CALCOCO1: variants seen among roughly 807,000 people sequenced by gnomAD.
CALCOCO1 encodes the protein calcium binding and coiled-coil domain 1, also known as calcium-binding and coiled-coil domain-containing protein 1.
Under a neutral mutation model 86.3 loss-of-function variants are expected in CALCOCO1, and 44 were observed. That is an observed-to-expected ratio of 0.51 (90% CI 0.40 to 0.66). The LOEUF (loss-of-function observed/expected upper bound fraction) is 0.66. CALCOCO1 is among the 30% of genes least tolerant of loss of function. CALCOCO1 has a pLI of 0.00. For synonymous variants in CALCOCO1, 297 were observed against 327.6 expected (o/e 0.91, Z 1.01); for missense variants, 708 against 851.1 (o/e 0.83, Z 2.09).
At chr12:53,723,461 G>A in intron 4 of CALCOCO1, 132 bp downstream of exon 4, 1 of 889,000 alleles carries the variant, frequency 1.1e-6, no homozygotes, top group Non-Finnish European at 1.8e-6. Context: ...CCTGGAGGCA[G>A]GACTTTGTCT....
Position 53,715,819 on chromosome 12 carries a change from G to A in CALCOCO1, c.1234C>T (p.Arg412Trp), listed in dbSNP as rs1945709912. The change falls in exon 9 of 15, where the codon CGG (arginine) becomes TGG (tryptophan). Residue 412 changes from arginine to tryptophan, a missense_variant. Arg to Trp is a moderately radical substitution (Grantham distance 101, BLOSUM62 -3). Transcript: ENST00000550804. ...KEEKCQWSKE[R>W]AGLLQSVEAE... ...TCCACACTCTGCAGCAGCCCTGCCCGCTCCTTGCTCCATTGGCATTTTTCT... is the reference window on the plus strand; with the variant it reads ...TCCACACTCTGCAGCAGCCCTGCCCACTCCTTGCTCCATTGGCATTTTTCT... The A allele has an allele frequency of 3.7e-6, 6 of 1,613,648 alleles. No homozygotes were observed. Among genetic ancestry groups the A allele is most frequent in the East Asian group, 2.2e-5 (1 of 44,882 alleles).
At position 53,723,689 on chromosome 12, in the gene CALCOCO1, G is replaced by A; in HGVS notation, c.354C>T (p.Phe118=). 1 of 1,614,170 alleles carries A rather than the reference G, an allele frequency of 6.2e-7. No individual in the cohort carries two copies. ...QVCGQSPPFQ[F]REPRPMDELV... is the part of the protein sequence containing the mutation. ...GTTCATCCATGGGCCTTGGCTCTCG[G>A]AACTGGAAAGGGGGGCTCTGCCCAC... Residue 118 remains phenylalanine (F), a synonymous_variant, in exon 4 of 15, where the codon TTC becomes TTT. Coordinates refer to ENST00000550804, the MANE Select transcript of CALCOCO1 (RefSeq NM_020898.3).
In CALCOCO1 at chr12:53,711,546, G is replaced by A. The variant is rs893209104; in HGVS notation, c.*398C>T. ...GAAACTCCAAATAAGAGAGGGTAGGGTGCCCCAGGAATTGGCTTTGGGGCA... is the reference window on the plus strand; with the variant it reads ...GAAACTCCAAATAAGAGAGGGTAGGATGCCCCAGGAATTGGCTTTGGGGCA... On this transcript the variant is annotated 3_prime_UTR_variant, in exon 15 of 15. Coordinates refer to ENST00000550804, the MANE Select transcript of CALCOCO1 (RefSeq NM_020898.3). 1 of 301,948 alleles carries A rather than the reference G, an allele frequency of 3.3e-6. No homozygotes were observed. The highest frequency in any genetic ancestry group is 5.1e-5 in the Admixed American group (1 of 19,662). 18.7% of individuals were successfully genotyped at this position (301,948 alleles called of 1,614,324 possible).
chr12:53,714,739 C>G (rs1419366141), intron 10 of CALCOCO1, 46 bp from the exon 11 acceptor site: 1 of 1,425,186 alleles, frequency 7.0e-7, no homozygotes, highest in African/African-American at 1.4e-5. Context: ...GAATGTACCT[C>G]CAAGAACCTG....
Position 53,724,735 on chromosome 12 carries a change from A to G in CALCOCO1, c.169T>C (p.Cys57Arg). 3.7e-6 allele frequency: 6 copies of G among 1,612,718 alleles called. No individual in the cohort carries two copies. The highest frequency in any genetic ancestry group is 4.2e-6 in the Non-Finnish European group (5 of 1,179,316). The change falls in exon 3 of 15, where the codon TGT becomes CGT. Residue 57 changes from cysteine to arginine, a missense_variant. Cys to Arg is a radical substitution (Grantham distance 180). Coordinates refer to ENST00000550804, the MANE Select transcript of CALCOCO1 (RefSeq NM_020898.3). ...WIGIFKVEAACVRDYHTFVWS... is the reference protein window; with the variant it reads ...WIGIFKVEAARVRDYHTFVWS... ...ACAAATGTGTGGTAATCCCGAACAC[A>G]GGCAGCCTCCACCTGTGAAAGCCCA...
intron 9 of CALCOCO1, 128 bp from the exon 10 acceptor site, chr12:53,715,453 C>A (rs1945698777): frequency 7.8e-7 from 1 of 1,277,598 alleles, no homozygotes; most frequent in Non-Finnish European, 1.1e-6. Context: ...GCACTTTCCC[C>A]TTTTTGCCTT....
rs747949632 is a variant in CALCOCO1 at position 53,716,338 on chromosome 12, C to T, written c.927G>A (p.Glu309=). 1.9e-6 allele frequency: 3 copies of T among 1,614,224 alleles called. No individual in the cohort carries two copies. In the Admixed American group the frequency reaches 5.0e-5, roughly 27 times the overall value. Residue 309 remains glutamate, a synonymous_variant, in exon 8 of 15, where the codon GAG becomes GAA. Coordinates refer to ENST00000550804, the MANE Select transcript of CALCOCO1 (RefSeq NM_020898.3). The stretch of plus-strand genomic sequence containing the variant: ...TCAGTCGCTGAGCCTGAGCACTCTG[C>T]TCCTCTTGCCAGCTCTTCGCCTCCT... ...DLKEAKSWQE[E]QSAQAQRLKD...
chr12:53,724,497 C>T (rs981434225), intron 3 of CALCOCO1, 148 bp downstream of exon 3: 50 of 665,986 alleles, frequency 7.5e-5, no homozygotes, highest in African/African-American at 7.5e-4. Flanking sequence ...ATCCGCTGAG[C>T]GCTGTTGGAT....
rs1945662006 is a variant in CALCOCO1, at chr12:53,714,160, C to T, written c.1564G>A (p.Glu522Lys). The T allele has an allele frequency of 1.2e-6, 2 of 1,613,334 alleles. No homozygotes were observed. The highest frequency in any genetic ancestry group is 2.2e-5 in the South Asian group (2 of 91,062). The change falls in exon 12 of 15, where the codon GAG becomes AAG. Residue 522 changes from glutamate to lysine, a missense_variant. Glu to Lys is a moderately conservative substitution (Grantham distance 56). Coordinates refer to ENST00000550804, the MANE Select transcript of CALCOCO1 (RefSeq NM_020898.3). ...AGCCCCACAGCGGCCTCCTCATCCT[C>T]TGTGGTGGCATCCTCATTCCACTTC... ...DEKWNEDATTEDEEAAVGLSC... is the reference protein window; with the variant it reads ...DEKWNEDATTKDEEAAVGLSC...
intron 7 of CALCOCO1, among the ~76,000 whole-genome samples, chr12:53,718,578 A>G (rs28451869): frequency 0.19 from 28,931 of 151,920 alleles, 3,033 homozygotes; most frequent in East Asian, 0.46. Context: ...ACCCAGGCTG[A>G]AGTTCAGGGG....
At chr12:53,716,944 G>A (rs967891141) in intron 7 of CALCOCO1, among the ~76,000 whole-genome samples, 3 of 152,122 alleles carry the variant, frequency 2.0e-5, no homozygotes, top group Non-Finnish European at 4.4e-5. Context: ...CCACAACCAC[G>A]TTATCTCAGA....
intron 14 of CALCOCO1, 118 bp downstream of exon 14, chr12:53,712,982 T>C: frequency 1.6e-6 from 2 of 1,281,320 alleles, no homozygotes; most frequent in Non-Finnish European, 2.2e-6. Context: ...TATCTCCTTT[T>C]CTTGGCTGAG....
chr12:53,718,285 T>C (rs910942492), intron 7 of CALCOCO1, among the ~76,000 whole-genome samples: 2 of 152,230 alleles, frequency 1.3e-5, no homozygotes, highest in Non-Finnish European at 2.9e-5. Flanking sequence ...CATTAGTTGC[T>C]GAGGCTGGCA....
chr12:53,722,692 TCA>T (rs891888398), intron 4 of CALCOCO1, among the ~76,000 whole-genome samples: 8 of 152,076 alleles, frequency 5.3e-5, no homozygotes, highest in Admixed American at 2.0e-4. Flanking sequence ...TCCTTCCACC[TCA>T]GTGTCTCCCC....
At chr12:53,724,027 A>G (rs1280193265) in intron 3 of CALCOCO1, 7 of 529,998 alleles carry the variant, frequency 1.3e-5, no homozygotes, top group Non-Finnish European at 1.7e-5. Flanking sequence ...CTGTGGTAAC[A>G]CTTTTTATTT....
intron 7 of CALCOCO1, among the ~76,000 whole-genome samples, chr12:53,717,973 C>G (rs1405178453): frequency 6.6e-6 from 1 of 152,128 alleles, no homozygotes; most frequent in African/African-American, 2.4e-5. Context: ...TGCAGTGAGC[C>G]GAGATCGCGC....
At chr12:53,723,544 C>T (rs1945936621) in intron 4 of CALCOCO1, 49 bp downstream of exon 4, 4 of 1,592,268 alleles carry the variant, frequency 2.5e-6, no homozygotes, top group Non-Finnish European at 3.4e-6. Flanking sequence ...TCTTGCAATG[C>T]TGTCTCCCAC....
Position 53,723,704 on chromosome 12 carries a change from G to C in CALCOCO1, c.339C>G (p.Ser113Arg). The change falls in exon 4 of 15, where the codon AGC (serine) becomes AGG (arginine). Residue 113 changes from serine (S) to arginine (R), a missense_variant. Physicochemically the swap from Ser to Arg is moderately radical, Grantham distance 110. Transcript: ENST00000550804. ...VNRQGQVCGQ[S>R]PPFQFREPRP... Reference sequence around the variant, plus strand: ...TTGGCTCTCGGAACTGGAAAGGGGGGCTCTGCCCACACACCTGGCCCTGGC... The same window carrying C: ...TTGGCTCTCGGAACTGGAAAGGGGGCCTCTGCCCACACACCTGGCCCTGGC... 6.2e-7 allele frequency: 1 copy of C among 1,614,200 alleles called. No homozygotes were observed. The highest frequency in any genetic ancestry group is 8.5e-7 in the Non-Finnish European group (1 of 1,180,038).
At chr12:53,726,533 T>C (rs538524301) in intron 1 of CALCOCO1, among the ~76,000 whole-genome samples, 21 of 151,438 alleles carry the variant, frequency 1.4e-4, no homozygotes, top group African/African-American at 5.1e-4. Context: ...ACAGCTGACA[T>C]GTCCAACCAG....
Sources: allele counts gnomAD v4.1 joint callset (sites outside exome capture counted in the v4.1 genomes callset), GRCh38; gene constraint gnomAD v4.1.1; transcripts MANE v1.5; gene names NCBI Gene and HGNC (gene_info 2026-07-23, HGNC 2026-07-21).